Variants in MAPK8IP3 observed in about 807,000 individuals in gnomAD.
The protein encoded by MAPK8IP3 is mitogen-activated protein kinase 8 interacting protein 3.
Under a neutral mutation model 157.8 loss-of-function variants are expected in MAPK8IP3, and 49 were observed. The observed-to-expected ratio is 0.31, with a 90% confidence interval of 0.25 to 0.39. The LOEUF (loss-of-function observed/expected upper bound fraction) is 0.39. Among genes scored for constraint, MAPK8IP3 ranks in the 10% least tolerant of loss-of-function variants. The probability of loss-of-function intolerance (pLI) is 1.00; values close to 1 mark genes in which losing one functional copy is unlikely to be tolerated. For missense variants in MAPK8IP3, 1,478 were observed against 1,889.4 expected (o/e 0.78, Z 4.04); for synonymous variants, 897 against 777.7 (o/e 1.15, Z -2.55).
In MAPK8IP3 at chr16:1,710,279, C is replaced by G. The variant is rs1008998772; in HGVS notation, c.318+3622C>G. ...GGAGTTTGAGACCAGCCTGGCGAACCTGGCGAAACCCTGTCTCTACTAAAG... is the reference window on the plus strand; with the variant it reads ...GGAGTTTGAGACCAGCCTGGCGAACGTGGCGAAACCCTGTCTCTACTAAAG... On this transcript the variant is annotated intron_variant, in intron 1 of 31. Transcript: ENST00000610761. The surrounding 1 kb of genome is among the most constrained non-coding windows in gnomAD (Gnocchi z 4.1). Among the ~76,000 whole-genome samples the G allele has an allele frequency of 6.6e-6, 1 of 151,184 alleles. No homozygotes were observed. Among genetic ancestry groups the G allele is most frequent in the Admixed American group, 6.6e-5 (1 of 15,154 alleles).
At chr16:1,717,736 A>G (rs1297942905) in intron 1 of MAPK8IP3, among the ~76,000 whole-genome samples, 2 of 152,148 alleles carry the variant, frequency 1.3e-5, no homozygotes, top group Non-Finnish European at 2.9e-5. Flanking sequence ...GGCCCATTCA[A>G]AAAAAATGCT....
In MAPK8IP3 at chr16:1,706,282, G is replaced by T. The variant is rs986799646; in HGVS notation, c.-58G>T. On this transcript the variant is annotated 5_prime_UTR_variant, in exon 1 of 32. Coordinates refer to ENST00000610761, the MANE Select transcript of MAPK8IP3 (RefSeq NM_001318852.2). The surrounding 1 kb of genome is among the most constrained non-coding windows in gnomAD (Gnocchi z 5.1). Reference sequence around the variant, plus strand: ...CGGCCTGCGGAACCTGAGGCAGCTGGGGAGGGCCGGGCGCGCCGGCCGGAT... The same window carrying T: ...CGGCCTGCGGAACCTGAGGCAGCTGTGGAGGGCCGGGCGCGCCGGCCGGAT... The T allele has an allele frequency of 7.5e-6, 11 of 1,462,344 alleles. No individual in the cohort carries two copies. In the African/African-American group the frequency reaches 1.6e-4, roughly 21 times the overall value. The allele number at this position is 1,462,344 out of a possible 1,614,324, so 90.6% of individuals were successfully genotyped here.
intron 6 of MAPK8IP3, 64 bp downstream of exon 6, chr16:1,747,339 A>G: frequency 6.3e-7 from 1 of 1,575,338 alleles, no homozygotes; most frequent in Non-Finnish European, 8.6e-7. Flanking sequence ...GTTTGGGTAG[A>G]TGTGAAACTA....
chr16:1,736,512 G>A (rs1334388879), intron 4 of MAPK8IP3, among the ~76,000 whole-genome samples: 2 of 52,246 alleles, frequency 3.8e-5, no homozygotes, highest in Non-Finnish European at 6.5e-5. Flanking sequence ...GCGTGTGACC[G>A]TCCGTGTGTG....
Position 1,706,791 on chromosome 16 carries a change from C to T in MAPK8IP3, c.318+134C>T, listed in dbSNP as rs1487069469. On this transcript the variant is annotated intron_variant, in intron 1 of 31. Coordinates refer to ENST00000610761, the MANE Select transcript of MAPK8IP3 (RefSeq NM_001318852.2). This position sits in a 1 kb window ranked among gnomAD's most constrained non-coding sequence, Gnocchi z 5.1. ...ACCGCGGGACCCCTGGACCCCCAGA[C>T]CCCGCCCCGAGACCCGCCTGGACCC... 1 of 1,006,774 alleles carries T rather than the reference C, an allele frequency of 9.9e-7. No individual in the cohort carries two copies. Among genetic ancestry groups the T allele is most frequent in the African/African-American group, 1.8e-5 (1 of 55,202 alleles). 62.4% of individuals were successfully genotyped at this position (1,006,774 alleles called of 1,614,324 possible). A position where few individuals can be genotyped will look rare whatever the true frequency, so the allele number is the denominator to read the frequency against.
intron 4 of MAPK8IP3, among the ~76,000 whole-genome samples, chr16:1,733,654 G>A (rs545461116): frequency 1.5e-4 from 23 of 152,350 alleles, no homozygotes; most frequent in Non-Finnish European, 2.2e-4. Flanking sequence ...TCGTCCTGGC[G>A]CCGAGAGTTC....
intron 4 of MAPK8IP3, among the ~76,000 whole-genome samples, chr16:1,740,265 T>C (rs905080725): frequency 1.3e-5 from 2 of 149,344 alleles, no homozygotes; most frequent in African/African-American, 5.0e-5. Context: ...TGTGAGTGTG[T>C]GACCGTCCGT....
intron 1 of MAPK8IP3, among the ~76,000 whole-genome samples, chr16:1,717,436 G>A (rs967696619): frequency 1.3e-5 from 2 of 152,162 alleles, no homozygotes; most frequent in African/African-American, 2.4e-5. Flanking sequence ...ACTGAGGAAC[G>A]ACACCCATGT....
rs1161925462 is a variant in MAPK8IP3, at chr16:1,743,017, C to T, written c.603-315C>T. Among the ~76,000 whole-genome samples the T allele has an allele frequency of 1.3e-5, 2 of 151,916 alleles. No individual in the cohort carries two copies. The highest frequency in any genetic ancestry group is 3.9e-4 in the East Asian group (2 of 5,190). On this transcript the variant is annotated intron_variant, in intron 4 of 31. Coordinates refer to ENST00000610761, the MANE Select transcript of MAPK8IP3 (RefSeq NM_001318852.2). This position sits in a 1 kb window ranked among gnomAD's most constrained non-coding sequence, Gnocchi z 5.6. ...GGCTGAGGCAGGAGAATGGCGTGAACCTGGGAGGTGGAACTTGCAGTGAGC... is the reference window on the plus strand; with the variant it reads ...GGCTGAGGCAGGAGAATGGCGTGAATCTGGGAGGTGGAACTTGCAGTGAGC...
rs906791678 is a variant in MAPK8IP3, at chr16:1,742,775, C to T, written c.603-557C>T. On this transcript the variant is annotated intron_variant, in intron 4 of 31. Transcript: ENST00000610761. This position sits in a 1 kb window ranked among gnomAD's most constrained non-coding sequence, Gnocchi z 5.0. Reference sequence around the variant, plus strand: ...CAGCGCTGACCGTGATGCCAAGTCCCGTGGCTGGCTCTGCTGTGGGGTGTC... The same window carrying T: ...CAGCGCTGACCGTGATGCCAAGTCCTGTGGCTGGCTCTGCTGTGGGGTGTC... Among the ~76,000 whole-genome samples, 5 of 152,100 alleles carry T rather than the reference C, an allele frequency of 3.3e-5. No individual in the cohort carries two copies. The highest frequency in any genetic ancestry group is 9.7e-5 in the African/African-American group (4 of 41,420).
At chr16:1,734,396 A>G (rs2039524602) in intron 4 of MAPK8IP3, among the ~76,000 whole-genome samples, 1 of 152,192 alleles carries the variant, frequency 6.6e-6, no homozygotes, top group Non-Finnish European at 1.5e-5. Flanking sequence ...CGGTGGTGGC[A>G]TTAAGAGCCA....
intron 4 of MAPK8IP3, among the ~76,000 whole-genome samples, chr16:1,736,191 C>T (rs573761691): frequency 9.4e-5 from 9 of 96,048 alleles, no homozygotes; most frequent in South Asian, 5.7e-4. Context: ...TGTGACCGTC[C>T]GTGTGAGCAT....
chr16:1,755,735 T>A (rs1386829681), intron 8 of MAPK8IP3, among the ~76,000 whole-genome samples: 1 of 151,154 alleles, frequency 6.6e-6, no homozygotes, highest in Non-Finnish European at 1.5e-5. Flanking sequence ...TAATCCCAGC[T>A]ACTCAGAAGA....
chr16:1,767,449 C>A lies in MAPK8IP3; in HGVS notation c.3238-115C>A, dbSNP rs904924859. Reference sequence around the variant, plus strand: ...CAGGCTCGAACAGGCGCAAAGCAGGCGCTGGCTGGGAGGTCTGAGGGGACT... The same window carrying A: ...CAGGCTCGAACAGGCGCAAAGCAGGAGCTGGCTGGGAGGTCTGAGGGGACT... On this transcript the variant is annotated intron_variant, in intron 26 of 31. Coordinates refer to ENST00000610761, the MANE Select transcript of MAPK8IP3 (RefSeq NM_001318852.2). 4.0e-6 allele frequency: 6 copies of A among 1,501,372 alleles called. No individual in the cohort carries two copies. The African/African-American group carries it at 5.5e-5, about 14-fold the overall frequency. 93.0% of individuals were successfully genotyped at this position (1,501,372 alleles called of 1,614,324 possible). A position where few individuals can be genotyped will look rare whatever the true frequency, so the allele number is the denominator to read the frequency against.
rs1248373927 is a variant in MAPK8IP3 at position 1,741,289 on chromosome 16, C to T, written c.603-2043C>T. ...AAATCGGGAGGACGGGGTCAGTCGG[C>T]AAACGCTCACGAGCCTGAGGCCAGG... On this transcript the variant is annotated intron_variant, in intron 4 of 31. Transcript: ENST00000610761. The surrounding 1 kb of genome is among the most constrained non-coding windows in gnomAD (Gnocchi z 6.9). 6.6e-6 allele frequency among the ~76,000 whole-genome samples: 1 copy of T among 152,182 alleles called. No individual in the cohort carries two copies. Among genetic ancestry groups the T allele is most frequent in the Non-Finnish European group, 1.5e-5 (1 of 68,028 alleles).
intron 17 of MAPK8IP3, 151 bp from the exon 18 acceptor site, chr16:1,763,964 A>G: frequency 9.4e-7 from 1 of 1,063,018 alleles, no homozygotes; most frequent in Non-Finnish European, 1.3e-6. Context: ...GGAGGGTCGG[A>G]GAAGGAGCCC....
intron 14 of MAPK8IP3, 21 bp from the exon 15 acceptor site, chr16:1,762,654 T>C (rs780792598): frequency 1.9e-6 from 3 of 1,542,236 alleles, no homozygotes; most frequent in Non-Finnish European, 1.8e-6. Context: ...AGCAGGTTGC[T>C]CCCTGTGCCC....
rs575913611 is a variant in MAPK8IP3, at chr16:1,762,885, C to A, written c.1777C>A (p.Pro593Thr). 2 of 1,613,188 alleles carry A rather than the reference C, an allele frequency of 1.2e-6. No homozygotes were observed. Among genetic ancestry groups the A allele is most frequent in the Non-Finnish European group, 1.7e-6 (2 of 1,179,984 alleles). Residue 593 changes from proline to threonine, a missense_variant, in exon 16 of 32, where the codon CCC becomes ACC. Around this residue, in one of 11 missense-constraint regions of MAPK8IP3, gnomAD observed 669 missense variants for 759.8 expected, o/e 0.88. Transcript: ENST00000610761. ...SSSSPPPAKR[P>T]YPSVNIHYKS... ...CTCCAGCCCCCCTCCGGCCAAGCGC[C>A]CCTATCCCTCGGTGAACATCCACTA...
At chr16:1,765,339 C>G (rs565238340) in intron 20 of MAPK8IP3, among the ~76,000 whole-genome samples, 161 bp downstream of exon 20, 3 of 152,288 alleles carry the variant, frequency 2.0e-5, no homozygotes, top group Admixed American at 1.3e-4. Flanking sequence ...CAAGTGAGGC[C>G]CTGGGCCCTG....
Sources: allele counts gnomAD v4.1 joint callset (sites outside exome capture counted in the v4.1 genomes callset), GRCh38; gene constraint gnomAD v4.1.1; regional missense constraint gnomAD v4.1.1; non-coding constraint Gnocchi (gnomAD v3.1); transcripts MANE v1.5; gene names NCBI Gene and HGNC (gene_info 2026-07-23, HGNC 2026-07-21).